The following ATP10B variants were observed in gnomAD, a reference collection of about 807,000 sequenced individuals.
ATP10B encodes the protein ATPase phospholipid transporting 10B (putative).
In ATP10B, 122 loss-of-function variants were observed where a neutral mutation model predicts 141.2. The observed-to-expected ratio is 0.86, with a 90% CI of 0.75 to 1.00. The LOEUF is 1.00. ATP10B is among the 50% of genes least tolerant of loss of function. The pLI is 0.00. For synonymous variants in ATP10B, 685 were observed against 692.0 expected (o/e 0.99, Z 0.16); for missense variants, 1,876 against 1,825.3 (o/e 1.03, Z -0.51).
chr5:160,709,503 T>A lies in ATP10B; in HGVS notation c.-205+7406A>T, dbSNP rs143296787. Among the ~76,000 whole-genome samples the A allele has an allele frequency of 7.2e-3, 1,102 of 152,308 alleles. 9 individuals are homozygous for A. The highest frequency in any genetic ancestry group is 0.025 in the African/African-American group (1,032 of 41,570). On this transcript the variant is annotated intron_variant, in intron 3 of 25. Coordinates refer to ENST00000327245, the MANE Select transcript of ATP10B (RefSeq NM_025153.3). ...TTAAAACAGCAATGAAATTACCTTG[T>A]TATACCATCATCAGACTGGTGAAAA...
chr5:160,803,691 A>G (rs2127935549), intron 1 of ATP10B, among the ~76,000 whole-genome samples: 1 of 152,276 alleles, frequency 6.6e-6, no homozygotes, highest in Non-Finnish European at 1.5e-5. Flanking sequence ...AATAAAATAA[A>G]TAAAAAGAGG....
At chr5:160,615,074 C>G (rs563024508) in intron 17 of ATP10B, among the ~76,000 whole-genome samples, 1 of 152,296 alleles carries the variant, frequency 6.6e-6, no homozygotes, top group Admixed American at 6.5e-5. Context: ...GCATAGCAAT[C>G]TAACTTCCAT....
At chr5:160,595,078 A>AAC (rs142969360) in intron 22 of ATP10B, among the ~76,000 whole-genome samples, 121,601 of 151,900 alleles carry the variant, frequency 0.8, 48,776 homozygotes, top group Middle Eastern at 0.87. Flanking sequence ...ACTCCAAATC[A>AAC]AGAATATACA....
Position 160,640,720 on chromosome 5 carries a change from C to T in ATP10B, c.869-128G>A, listed in dbSNP as rs553982628. 47 of 1,296,174 alleles carry T rather than the reference C, an allele frequency of 3.6e-5. No homozygotes were observed. The East Asian group carries it at 5.0e-4, about 14-fold the overall frequency. 80.3% of individuals were successfully genotyped at this position (1,296,174 alleles called of 1,614,324 possible). A position where few individuals can be genotyped will look rare whatever the true frequency, so the allele number is the denominator to read the frequency against. On this transcript the variant is annotated intron_variant, in intron 9 of 25. Transcript: ENST00000327245. The stretch of plus-strand genomic sequence containing the variant: ...TTCACTCTTTAACCTGAACTTGCCC[C>T]GCCTCAGAAGGTTGCTGAGAACAGC...
chr5:160,894,837 C>T, the ATP10B span, among the ~76,000 whole-genome samples: 5 of 152,216 alleles, frequency 3.3e-5, no homozygotes, highest in African/African-American at 1.2e-4. Flanking sequence ...GGAAGCCCAT[C>T]AGACTAACAG....
chr5:160,845,772 C>T lies in ATP10B; in HGVS notation c.-576+6169G>A, dbSNP rs145869140. ...CTGGCTAGACTGTGAGCTATGAGGA[C>T]GGTCACCATGTCTCATTTATCTCTA... On this transcript the variant is annotated intron_variant, in intron 1 of 25. Transcript: ENST00000327245. Among the ~76,000 whole-genome samples the T allele has an allele frequency of 6.3e-3, 959 of 152,160 alleles. 13 individuals carry two copies. Among genetic ancestry groups the T allele is most frequent in the African/African-American group, 0.021 (870 of 41,506 alleles).
intron 2 of ATP10B, among the ~76,000 whole-genome samples, chr5:160,783,160 C>A (rs1345496859): frequency 1.3e-5 from 2 of 151,654 alleles, no homozygotes; most frequent in Non-Finnish European, 2.9e-5. Context: ...AGTCTTATCC[C>A]TTGTCCCCCT....
intron 10 of ATP10B, among the ~76,000 whole-genome samples, chr5:160,637,985 G>A (rs1230648200): frequency 6.6e-6 from 1 of 152,232 alleles, no homozygotes; most frequent in Non-Finnish European, 1.5e-5. Flanking sequence ...GCCCGAGAAG[G>A]CTGAATGGAT....
At chr5:160,844,992 T>C (rs1581643927) in intron 1 of ATP10B, among the ~76,000 whole-genome samples, 2 of 151,672 alleles carry the variant, frequency 1.3e-5, no homozygotes, top group East Asian at 3.9e-4. Flanking sequence ...TTCTTGAATA[T>C]TGGAATCAGA....
chr5:160,814,995 T>C (rs1773494842), intron 1 of ATP10B, among the ~76,000 whole-genome samples: 1 of 151,866 alleles, frequency 6.6e-6, no homozygotes, highest in Admixed American at 6.6e-5. Flanking sequence ...GCACTAAACA[T>C]GGAAAGGAAA....
chr5:160,581,128 G>GT (rs1258113219), intron 24 of ATP10B, among the ~76,000 whole-genome samples: 5 of 152,142 alleles, frequency 3.3e-5, no homozygotes, highest in South Asian at 2.1e-4. Flanking sequence ...TTTTTGAAGG[G>GT]TTTTTTGTGT....
At chr5:160,617,509 T>G (rs1758091053) in intron 16 of ATP10B, among the ~76,000 whole-genome samples, 2 of 152,226 alleles carry the variant, frequency 1.3e-5, no homozygotes, top group African/African-American at 2.4e-5. Flanking sequence ...AATCTAGATT[T>G]TTATGTGACC....
At chr5:160,891,665 T>C in the ATP10B span, among the ~76,000 whole-genome samples, 1 of 152,198 alleles carries the variant, frequency 6.6e-6, no homozygotes, top group Non-Finnish European at 1.5e-5. Context: ...CTTGAACTCC[T>C]GGCCTCAAGT....
chr5:160,771,491 A>G (rs1769899463), intron 2 of ATP10B, among the ~76,000 whole-genome samples: 1 of 152,182 alleles, frequency 6.6e-6, no homozygotes, highest in African/African-American at 2.4e-5. Flanking sequence ...TCATAAATTT[A>G]TTGTCCCTTT....
chr5:160,622,037 G>A (rs1758376288), intron 14 of ATP10B, among the ~76,000 whole-genome samples: 1 of 152,168 alleles, frequency 6.6e-6, no homozygotes, highest in South Asian at 2.1e-4. Context: ...CTGCCTCATA[G>A]AGTTGCTGGG....
intron 22 of ATP10B, among the ~76,000 whole-genome samples, chr5:160,596,647 T>C (rs202157273): frequency 0.13 from 19,246 of 150,152 alleles, 1,712 homozygotes; most frequent in East Asian, 0.49. Context: ...GAAAACCCCA[T>C]TGTCTCAGCC....
rs771984784 is a variant in ATP10B, at chr5:160,612,865, C to G, written c.2714G>C (p.Arg905Pro). 21 of 1,614,046 alleles carry G rather than the reference C, an allele frequency of 1.3e-5. No individual in the cohort carries two copies. Among genetic ancestry groups the G allele is most frequent in the Non-Finnish European group, 1.8e-5 (21 of 1,179,972 alleles). ...GACCCAGAGCTGGATCCCAGCCTCC[C>G]GCAGAGTGGCAATCGTATCTGGAAC... ...EGVPDTIATLREAGIQLWVLT... is the reference protein window; with the variant it reads ...EGVPDTIATLPEAGIQLWVLT... The change falls in exon 18 of 26, where the codon CGG (arginine) becomes CCG (proline). Residue 905 changes from arginine to proline, a missense_variant. Transcript: ENST00000327245.
intron 1 of ATP10B, among the ~76,000 whole-genome samples, chr5:160,851,219 C>G (rs1753787145): frequency 6.6e-6 from 1 of 152,286 alleles, no homozygotes; most frequent in East Asian, 1.9e-4. Flanking sequence ...GGCATGCACT[C>G]CTGTAGGCAA....
intron 21 of ATP10B, among the ~76,000 whole-genome samples, chr5:160,600,653 G>C (rs901204539): frequency 5.9e-5 from 9 of 152,170 alleles, no homozygotes; most frequent in African/African-American, 2.2e-4. Flanking sequence ...CTGAGGCCCT[G>C]GTAAGATCTT....
Sources: gnomAD v4.1 joint callset for allele counts (sites outside exome capture counted in the v4.1 genomes callset) on GRCh38, gnomAD v4.1.1 for gene constraint, MANE v1.5 for transcripts, NCBI Gene and HGNC (gene_info 2026-07-23, HGNC 2026-07-21) for gene names.